The following RBMS3 variants were observed in gnomAD, a reference collection of about 807,000 sequenced individuals.
RBMS3 encodes RNA binding motif single stranded interacting protein 3.
RBMS3 carries 27 observed loss-of-function variants against 66.8 expected under a neutral mutation model. The ratio of observed to expected loss-of-function variants is 0.40; its 90% CI spans 0.30 to 0.56. RBMS3 has a LOEUF of 0.56. Ranked by LOEUF, RBMS3 falls within the 20% of genes least tolerant of loss-of-function variation. RBMS3 has a pLI of 0.40. For missense variants in RBMS3, 513 were observed against 549.5 expected (o/e 0.93, Z 0.66); for synonymous variants, 188 against 183.0 (o/e 1.03, Z -0.22).
chr3:29,407,389 C>G (rs1043269729), intron 1 of RBMS3, among the ~76,000 whole-genome samples: 2 of 152,086 alleles, frequency 1.3e-5, no homozygotes, highest in African/African-American at 2.4e-5. Flanking sequence ...TTCAGAGTCC[C>G]CATTTCTTAC....
At position 29,397,582 on chromosome 3, in the gene RBMS3, A is replaced by C. The variant is rs536752371; in HGVS notation, c.76-37161A>C. Among the ~76,000 whole-genome samples, 28 of 152,226 alleles carry C rather than the reference A, an allele frequency of 1.8e-4. No homozygotes were observed. In the South Asian group the frequency reaches 5.6e-3, roughly 30 times the overall value. ...ACTAACTTTAACCCTAAAGAGAGGA[A>C]CAGACCCCTAAGACAGCCATGTCCC... On this transcript the variant is annotated intron_variant, in intron 1 of 14. Coordinates refer to ENST00000383767, the MANE Select transcript of RBMS3 (RefSeq NM_001003793.3).
At chr3:29,786,496 C>T (rs1378694478) in intron 6 of RBMS3, among the ~76,000 whole-genome samples, 3 of 152,012 alleles carry the variant, frequency 2.0e-5, no homozygotes, top group South Asian at 4.1e-4. Context: ...TAAAAATAGG[C>T]GCATAGACCA....
chr3:29,924,176 G>GT (rs2060868745), intron 10 of RBMS3, among the ~76,000 whole-genome samples: 1 of 152,092 alleles, frequency 6.6e-6, no homozygotes, highest in Non-Finnish European at 1.5e-5. Flanking sequence ...TAAGGAAATG[G>GT]TTGCCATTGC....
At chr3:29,420,219 C>T (rs2040650581) in intron 1 of RBMS3, among the ~76,000 whole-genome samples, 1 of 152,140 alleles carries the variant, frequency 6.6e-6, no homozygotes, top group Non-Finnish European at 1.5e-5. Flanking sequence ...ATCATGGAAA[C>T]TTACTAAATC....
intron 4 of RBMS3, among the ~76,000 whole-genome samples, chr3:29,615,759 C>T (rs1177812190): frequency 1.3e-5 from 2 of 152,038 alleles, no homozygotes; most frequent in East Asian, 3.9e-4. Flanking sequence ...CCTAAGTGAC[C>T]CAGAGATATT....
At chr3:29,381,743 A>G (rs2038772197) in intron 1 of RBMS3, among the ~76,000 whole-genome samples, 2 of 152,260 alleles carry the variant, frequency 1.3e-5, no homozygotes, top group Non-Finnish European at 2.9e-5. Context: ...CCCTTAGCTA[A>G]TGACTCTATC....
At chr3:29,873,402 T>C (rs1339331174) in intron 7 of RBMS3, among the ~76,000 whole-genome samples, 1 of 152,160 alleles carries the variant, frequency 6.6e-6, no homozygotes, top group Non-Finnish European at 1.5e-5. Context: ...CTGCAGTTGG[T>C]CTATAGGAAT....
intron 6 of RBMS3, among the ~76,000 whole-genome samples, chr3:29,763,883 A>G (rs1232787015): frequency 6.6e-6 from 1 of 152,114 alleles, no homozygotes; most frequent in Non-Finnish European, 1.5e-5. Context: ...TTTTATATAC[A>G]GTTATTCTCA....
chr3:29,850,310 T>C (rs7633961), intron 6 of RBMS3, among the ~76,000 whole-genome samples: 64,386 of 152,032 alleles, frequency 0.42, 14,352 homozygotes, highest in African/African-American at 0.55. Flanking sequence ...TTTCTCTTTA[T>C]ACTTGACTTC....
At chr3:29,408,408 T>C (rs2040121315) in intron 1 of RBMS3, among the ~76,000 whole-genome samples, 1 of 152,056 alleles carries the variant, frequency 6.6e-6, no homozygotes, top group Non-Finnish European at 1.5e-5. Context: ...CTCAATTTCC[T>C]CATCTGTAAA....
At chr3:29,893,134 C>T (rs576985619) in intron 8 of RBMS3, among the ~76,000 whole-genome samples, 3 of 151,470 alleles carry the variant, frequency 2.0e-5, no homozygotes, top group Admixed American at 6.6e-5. Context: ...GAGATCAAGA[C>T]GGTATGCCGA....
rs1186237425 is a variant in RBMS3, at chr3:29,381,656, A to T, written c.76-53087A>T. ...AGCAGCACATTATTCAGAAATCTTT[A>T]TCTTTTAATCTACTATGCTAACTCT... On this transcript the variant is annotated intron_variant, in intron 1 of 14. Transcript: ENST00000383767. Among the ~76,000 whole-genome samples the T allele has an allele frequency of 9.8e-5, 15 of 152,344 alleles. No individual in the cohort carries two copies. The South Asian group carries it at 3.1e-3, about 32-fold the overall frequency.
chr3:29,727,096 A>G (rs897000668), intron 4 of RBMS3, among the ~76,000 whole-genome samples: 1 of 152,220 alleles, frequency 6.6e-6, no homozygotes, highest in African/African-American at 2.4e-5. Flanking sequence ...AACAAACCTG[A>G]CAAAAATAAG....
intron 12 of RBMS3, among the ~76,000 whole-genome samples, chr3:29,966,874 C>T (rs1217436387): frequency 6.6e-6 from 1 of 152,102 alleles, no homozygotes; most frequent in Non-Finnish European, 1.5e-5. Context: ...CCTTGTATGC[C>T]AATTTTGCTG....
At chr3:29,567,412 T>C (rs1362241607) in intron 3 of RBMS3, among the ~76,000 whole-genome samples, 2 of 152,188 alleles carry the variant, frequency 1.3e-5, no homozygotes, top group African/African-American at 2.4e-5. Context: ...ACACTCATGC[T>C]TACTTACTGA....
At chr3:29,586,478 C>A (rs1171125921) in intron 3 of RBMS3, among the ~76,000 whole-genome samples, 1 of 152,018 alleles carries the variant, frequency 6.6e-6, no homozygotes, top group African/African-American at 2.4e-5. Flanking sequence ...TGTATTTAAT[C>A]ATTCTTTTTC....
intron 1 of RBMS3, among the ~76,000 whole-genome samples, chr3:29,392,053 C>T (rs1046753121): frequency 2.0e-5 from 3 of 151,854 alleles, no homozygotes; most frequent in Non-Finnish European, 4.4e-5. Flanking sequence ...AGTTCAAGAC[C>T]AACTTGGGCA....
chr3:29,361,915 T>C (rs2037615894), intron 1 of RBMS3, among the ~76,000 whole-genome samples: 1 of 152,234 alleles, frequency 6.6e-6, no homozygotes, highest in African/African-American at 2.4e-5. Context: ...CTTTAAGGAC[T>C]TCTCTGCATT....
At chr3:29,460,453 CAA>C (rs2042335571) in intron 2 of RBMS3, among the ~76,000 whole-genome samples, 1 of 152,062 alleles carries the variant, frequency 6.6e-6, no homozygotes, top group African/African-American at 2.4e-5. Flanking sequence ...ATGTGGGTCA[CAA>C]GAGATAATAT....
Sources: gnomAD v4.1 joint callset for allele counts (sites outside exome capture counted in the v4.1 genomes callset) on GRCh38, gnomAD v4.1.1 for gene constraint, MANE v1.5 for transcripts, NCBI Gene and HGNC (gene_info 2026-07-23, HGNC 2026-07-21) for gene names.